The following THBS4 variants were observed in gnomAD, a reference collection of about 807,000 sequenced individuals.
THBS4 encodes the protein thrombospondin 4.
THBS4 carries 90 observed loss-of-function variants against 115.7 expected under a neutral mutation model. The ratio of observed to expected loss-of-function variants is 0.78; its 90% CI spans 0.66 to 0.93. THBS4 has a LOEUF of 0.93. THBS4 is among the 40% of genes least tolerant of loss of function. The probability of loss-of-function intolerance (pLI) is 0.00; values close to 1 mark genes in which losing one functional copy is unlikely to be tolerated. For synonymous variants in THBS4, 460 were observed against 479.3 expected (o/e 0.96, Z 0.53); for missense variants, 1,087 against 1,232.7 (o/e 0.88, Z 1.77).
At position 80,082,545 on chromosome 5, in the gene THBS4, G is replaced by T. The variant is rs773059464; in HGVS notation, c.2824G>T (p.Asp942Tyr). 4.3e-6 allele frequency: 7 copies of T among 1,614,102 alleles called. No individual in the cohort carries two copies. In the Admixed American group the frequency reaches 8.3e-5, roughly 19 times the overall value. Residue 942 changes from aspartate (D) to tyrosine (Y), a missense_variant and splice_region_variant, in exon 21 of 22, where the codon GAC becomes TAC. Asp to Tyr is a radical substitution (Grantham distance 160). Coordinates refer to ENST00000350881, the MANE Select transcript of THBS4 (RefSeq NM_003248.6). ...GTCCAACCTCAAGTATCGCTGCAATGGTAATGTGCATTCTCGTTACTGTTC... is the reference window on the plus strand; with the variant it reads ...GTCCAACCTCAAGTATCGCTGCAATTGTAATGTGCATTCTCGTTACTGTTC... ...IWSNLKYRCN[D>Y]TIPEDFQEFQ... is the part of the protein sequence containing the mutation.
chr5:80,082,693 A>G (rs2112183018), intron 21 of THBS4, 148 bp downstream of exon 21: 1 of 997,546 alleles, frequency 1.0e-6, no homozygotes, highest in South Asian at 1.6e-5. Flanking sequence ...TACCAGAAGT[A>G]AAAAGCAGAT....
chr5:80,059,562 C>T, intron 6 of THBS4, 71 bp downstream of exon 6: 6 of 1,595,190 alleles, frequency 3.8e-6, no homozygotes, highest in Non-Finnish European at 5.2e-6. Context: ...TGCGGTGAGG[C>T]TGTGTTGACC....
chr5:80,074,663 A>T (rs1385036469), intron 15 of THBS4, among the ~76,000 whole-genome samples: 1 of 146,092 alleles, frequency 6.8e-6, no homozygotes, highest in Non-Finnish European at 1.5e-5. Context: ...TTGCTCTGTC[A>T]CCCAGGCTGG....
intron 3 of THBS4, 149 bp downstream of exon 3, chr5:80,056,181 A>G: frequency 9.8e-7 from 1 of 1,023,950 alleles, no homozygotes; most frequent in Non-Finnish European, 1.4e-6. Context: ...TTGAAAAGCA[A>G]GTGATAGGGG....
At position 80,078,227 on chromosome 5, in the gene THBS4, G is replaced by T. The variant is rs1392554330; in HGVS notation, c.2265G>T (p.Gln755His). 1.3e-6 allele frequency: 2 copies of T among 1,575,536 alleles called. No homozygotes were observed. Among genetic ancestry groups the T allele is most frequent in the Non-Finnish European group, 1.7e-6 (2 of 1,153,188 alleles). Residue 755 changes from glutamine (Q) to histidine (H), a missense_variant and splice_region_variant, in exon 17 of 22, where the codon CAG (glutamine) becomes CAT (histidine). This residue lies in a region of THBS4 where 979 missense variants were observed against 1,103.7 expected (regional missense o/e 0.89). Coordinates refer to ENST00000350881, the MANE Select transcript of THBS4 (RefSeq NM_003248.6). Reference protein sequence around the residue: ...QIDPNWVVLNQGMEIVQTMNS... With the variant: ...QIDPNWVVLNHGMEIVQTMNS... Reference sequence around the variant, plus strand: ...ATCCCAACTGGGTGGTCCTGAACCAGGTGAGTGTCACATGGGCGGCAATGG... The same window carrying T: ...ATCCCAACTGGGTGGTCCTGAACCATGTGAGTGTCACATGGGCGGCAATGG...
chr5:80,035,640 G>T lies in THBS4; in HGVS notation c.88+15G>T. The T allele has an allele frequency of 7.5e-7, 1 of 1,333,914 alleles. No individual in the cohort carries two copies. Among genetic ancestry groups the T allele is most frequent in the Non-Finnish European group, 9.6e-7 (1 of 1,040,526 alleles). 82.6% of individuals were successfully genotyped at this position (1,333,914 alleles called of 1,614,324 possible). ...CACCCCCCAGGGTAAGTGGGTTCGG[G>T]TCGGGCCTGGGAGCGCCGGGCACCG... On this transcript the variant is annotated intron_variant, in intron 1 of 21. Transcript: ENST00000350881. This position sits in a 1 kb window ranked among gnomAD's most constrained non-coding sequence, Gnocchi z 4.6.
At chr5:80,056,606 C>T (rs1833440510) in intron 3 of THBS4, among the ~76,000 whole-genome samples, 1 of 152,186 alleles carries the variant, frequency 6.6e-6, no homozygotes. Flanking sequence ...TCTGTCATTG[C>T]ACCTGCTGTA....
intron 2 of THBS4, among the ~76,000 whole-genome samples, chr5:80,026,421 A>C (rs1273212734): frequency 6.6e-6 from 1 of 152,202 alleles, no homozygotes; most frequent in Non-Finnish European, 1.5e-5. Context: ...TCTTCTGCTT[A>C]ATAATTGAGT....
At chr5:80,071,295 C>T (rs1834042698) in intron 13 of THBS4, 115 bp downstream of exon 13, 3 of 1,470,450 alleles carry the variant, frequency 2.0e-6, no homozygotes, top group South Asian at 1.5e-5. Context: ...GTGGGTGGCT[C>T]ATTGTGGCCT....
intron 20 of THBS4, among the ~76,000 whole-genome samples, chr5:80,080,892 A>ATTAT (rs1303940522): frequency 3.3e-5 from 5 of 152,066 alleles, no homozygotes; most frequent in African/African-American, 1.2e-4. Context: ...GCCATAGCTT[A>ATTAT]TTATTTTATC....
chr5:80,071,022 A>G lies in THBS4; in HGVS notation c.1562A>G (p.Asp521Gly). 1 of 1,612,258 alleles carries G rather than the reference A, an allele frequency of 6.2e-7. No homozygotes were observed. Among genetic ancestry groups the G allele is most frequent in the Non-Finnish European group, 8.5e-7 (1 of 1,179,666 alleles). ...ADGDGILNEQ[D>G]NCVLIHNVDQ... ...ATGTTCTGTCCTTTCATCTTTTAGGATAACTGTGTCCTGATTCATAATGTG... is the reference window on the plus strand; with the variant it reads ...ATGTTCTGTCCTTTCATCTTTTAGGGTAACTGTGTCCTGATTCATAATGTG... The change falls in exon 13 of 22, where the codon GAT becomes GGT. Residue 521 changes from aspartate to glycine, a missense_variant and splice_region_variant. Physicochemically the swap from Asp to Gly is moderately conservative, Grantham distance 94. Around this residue, in one of 3 missense-constraint regions of THBS4, gnomAD observed 979 missense variants for 1,103.7 expected, o/e 0.89. Coordinates refer to ENST00000350881, the MANE Select transcript of THBS4 (RefSeq NM_003248.6).
intron 7 of THBS4, 37 bp from the exon 8 acceptor site, chr5:80,061,658 C>T (rs901628162): frequency 1.3e-5 from 20 of 1,555,994 alleles, no homozygotes; most frequent in African/African-American, 6.9e-5. Context: ...AGTGTTTTCT[C>T]GGTGTGGCTA....
intron 9 of THBS4, 91 bp downstream of exon 9, chr5:80,065,568 G>A: frequency 8.5e-7 from 1 of 1,177,874 alleles, no homozygotes; most frequent in Non-Finnish European, 1.2e-6. Flanking sequence ...AACACACCTA[G>A]AACATGTGGG....
chr5:80,013,117 GTTTTGTT>G (rs892826241), intron 2 of THBS4, among the ~76,000 whole-genome samples: 24 of 152,166 alleles, frequency 1.6e-4, no homozygotes, highest in East Asian at 3.9e-4. Flanking sequence ...TAATTTCTTT[GTTTTGTT>G]TTTTGTTTTT....
chr5:80,076,572 C>A (rs1000534990), intron 15 of THBS4, among the ~76,000 whole-genome samples: 10 of 152,208 alleles, frequency 6.6e-5, no homozygotes, highest in African/African-American at 2.4e-4. Context: ...TCTAGCAGTT[C>A]CCAGGGACTG....
intron 2 of THBS4, among the ~76,000 whole-genome samples, chr5:80,016,870 A>G (rs1473066607): frequency 6.6e-6 from 1 of 152,196 alleles, no homozygotes; most frequent in African/African-American, 2.4e-5. Context: ...CTGTGCTGAC[A>G]CTAATGAAAA....
intron 1 of THBS4, among the ~76,000 whole-genome samples, chr5:79,994,964 G>T (rs112116280): frequency 2.9e-4 from 44 of 152,320 alleles, no homozygotes; most frequent in African/African-American, 1.0e-3. Flanking sequence ...GGGTGGGTAC[G>T]TTGCATTTAG....
intron 2 of THBS4, among the ~76,000 whole-genome samples, chr5:80,024,579 G>A (rs1832439066): frequency 6.6e-6 from 1 of 152,086 alleles, no homozygotes; most frequent in Non-Finnish European, 1.5e-5. Flanking sequence ...TTCAAACCCA[G>A]GTGTGGCTCC....
At chr5:80,000,376 CT>C (rs1831875069) in intron 2 of THBS4, among the ~76,000 whole-genome samples, 1 of 152,212 alleles carries the variant, frequency 6.6e-6, no homozygotes, top group Non-Finnish European at 1.5e-5. Context: ...AAGTCTACCC[CT>C]CCTTATGGTA....
Sources: allele counts gnomAD v4.1 joint callset (sites outside exome capture counted in the v4.1 genomes callset), GRCh38; gene constraint gnomAD v4.1.1; regional missense constraint gnomAD v4.1.1; non-coding constraint Gnocchi (gnomAD v3.1); transcripts MANE v1.5; gene names NCBI Gene and HGNC (gene_info 2026-07-23, HGNC 2026-07-21).